Variants in ERI1 observed in about 807,000 individuals in gnomAD.
The protein encoded by ERI1 is 3'-5' exoribonuclease 1.
Under a neutral mutation model 39.7 loss-of-function variants are expected in ERI1, and 39 were observed. That is an observed-to-expected ratio of 0.98 (90% confidence interval 0.76 to 1.28). The LOEUF is 1.28. ERI1 is among the 50% of genes most tolerant of loss of function. The pLI, the probability that ERI1 is intolerant of heterozygous loss-of-function variation, is 0.00. For missense variants in ERI1, 581 were observed against 416.9 expected, an observed-to-expected ratio of 1.39 and a Z score of -3.43; for synonymous variants, 204 against 149.6, an observed-to-expected ratio of 1.36 and a Z score of -2.65.
Position 9,080,058 on chromosome 8 carries a change from G to C in ERI1, n.300-36290G>C, listed in dbSNP as rs117233114. Among the ~76,000 whole-genome samples the C allele has an allele frequency of 9.5e-3, 1,439 of 151,814 alleles. 10 individuals are homozygous for C. The highest frequency in any genetic ancestry group is 0.016 in the Non-Finnish European group (1,068 of 67,964). On this transcript the variant is annotated intron_variant and non_coding_transcript_variant, in intron 3 of 3. Transcript: ENST00000518663. ...GATACAAAGTTGTTTGTCAGGAGCTGGCTTACAGGAATAACACTGATTAGT... is the reference window on the plus strand; with the variant it reads ...GATACAAAGTTGTTTGTCAGGAGCTCGCTTACAGGAATAACACTGATTAGT...
At chr8:9,029,443 C>T (rs1797428149) in intron 6 of ERI1, among the ~76,000 whole-genome samples, 1 of 152,156 alleles carries the variant, frequency 6.6e-6, no homozygotes, top group Non-Finnish European at 1.5e-5. Flanking sequence ...GTTCTCCTGC[C>T]TCAGCCTCCC....
intron 6 of ERI1, among the ~76,000 whole-genome samples, chr8:9,025,171 G>T (rs1485960927): frequency 6.6e-6 from 1 of 152,112 alleles, no homozygotes; most frequent in Non-Finnish European, 1.5e-5. Flanking sequence ...ATCATATGCT[G>T]GTGTTGAAAG....
At chr8:9,068,396 G>A (rs1385635475) in intron 3 of ERI1, among the ~76,000 whole-genome samples, 2 of 152,154 alleles carry the variant, frequency 1.3e-5, no homozygotes, top group African/African-American at 4.8e-5. Flanking sequence ...CAGTGCAGTG[G>A]CAGCATCATA....
rs551021364 is a variant in ERI1 at position 9,011,768 on chromosome 8, T to A, written c.498+16T>A. The A allele has an allele frequency of 1.3e-6, 2 of 1,553,880 alleles. No homozygotes were observed. The highest frequency in any genetic ancestry group is 2.3e-5 in the South Asian group (2 of 87,868). On this transcript the variant is annotated intron_variant, in intron 3 of 6. Transcript: ENST00000250263. ...TTTAGAAATAGTAAGTGAATTTTTGTATTTTAATTGTATTTCTAGCAGCAA... is the reference window on the plus strand; with the variant it reads ...TTTAGAAATAGTAAGTGAATTTTTGAATTTTAATTGTATTTCTAGCAGCAA...
chr8:9,085,239 T>A (rs1184933551), intron 3 of ERI1, among the ~76,000 whole-genome samples: 2 of 152,162 alleles, frequency 1.3e-5, no homozygotes, highest in Admixed American at 6.6e-5. Flanking sequence ...GACTGAGTCT[T>A]GCTCTGTCAC....
chr8:9,016,845 C>T (rs961979600), intron 4 of ERI1, among the ~76,000 whole-genome samples: 1 of 151,646 alleles, frequency 6.6e-6, no homozygotes, highest in Non-Finnish European at 1.5e-5. Flanking sequence ...TGCCACCACA[C>T]CCGGCTAATT....
chr8:9,027,136 G>GATGT (rs1797222699), intron 6 of ERI1, among the ~76,000 whole-genome samples: 1 of 137,502 alleles, frequency 7.3e-6, no homozygotes, highest in Non-Finnish European at 1.5e-5. Flanking sequence ...GTTATTTTCT[G>GATGT]GTGTGTGTGT....
At chr8:9,084,355 T>C (rs537180997) in intron 3 of ERI1, among the ~76,000 whole-genome samples, 2 of 152,344 alleles carry the variant, frequency 1.3e-5, no homozygotes, top group East Asian at 3.9e-4. Context: ...CTGGACTTTA[T>C]TGCTTTGTAA....
chr8:9,047,841 A>T (rs1484935353), intron 3 of ERI1, among the ~76,000 whole-genome samples: 1 of 152,178 alleles, frequency 6.6e-6, no homozygotes, highest in African/African-American at 2.4e-5. Flanking sequence ...GCTAATACTA[A>T]TCGTTCACGC....
At chr8:9,071,943 G>A (rs112202661) in intron 3 of ERI1, among the ~76,000 whole-genome samples, 42 of 152,320 alleles carry the variant, frequency 2.8e-4, no homozygotes, top group Middle Eastern at 3.4e-3. Context: ...GTGCGTGCCT[G>A]TAGTCCCGCC....
At chr8:9,098,701 G>A (rs1799957077) in intron 3 of ERI1, among the ~76,000 whole-genome samples, 1 of 151,324 alleles carries the variant, frequency 6.6e-6, no homozygotes, top group African/African-American at 2.4e-5. Flanking sequence ...AATACCACCT[G>A]TTCCCCAAAA....
intron 6 of ERI1, among the ~76,000 whole-genome samples, chr8:9,022,996 T>A (rs1403814188): frequency 6.6e-6 from 1 of 152,226 alleles, no homozygotes; most frequent in African/African-American, 2.4e-5. Flanking sequence ...TTGTGACATC[T>A]TAAAAAATTA....
At chr8:9,042,561 G>T (rs182072713) in intron 3 of ERI1, among the ~76,000 whole-genome samples, 1 of 152,142 alleles carries the variant, frequency 6.6e-6, no homozygotes, top group Non-Finnish European at 1.5e-5. Context: ...AGGAGGTAGC[G>T]TCATTTGTCA....
At chr8:9,004,044 C>T (rs1289425198) in intron 1 of ERI1, 3 of 1,283,232 alleles carry the variant, frequency 2.3e-6, no homozygotes, top group East Asian at 5.6e-5. Context: ...GTAATTGCAT[C>T]TCACACAGTT....
At chr8:9,007,896 T>C in intron 1 of ERI1, 74 bp from the exon 2 acceptor site, 1 of 1,514,548 alleles carries the variant, frequency 6.6e-7, no homozygotes, top group Non-Finnish European at 8.8e-7. Flanking sequence ...AGTTTGAATC[T>C]TTAAATCTGT....
chr8:9,003,155 C>G lies in ERI1; in HGVS notation c.92C>G (p.Pro31Arg). Residue 31 changes from proline (P) to arginine (R), a missense_variant, in exon 1 of 7, where the codon CCG becomes CGG. Coordinates refer to ENST00000250263, the MANE Select transcript of ERI1 (RefSeq NM_153332.4). ...SPRPEGGEEP[P>R]RPSPEETQQC... ...CGGCCGGAGGGCGGGGAGGAGCCGC[C>G]GCGTCCCAGTCCCGAGGTGAGGAGT... 8.0e-7 allele frequency: 1 copy of G among 1,243,674 alleles called. No homozygotes were observed. The highest frequency in any genetic ancestry group is 3.1e-5 in the East Asian group (1 of 31,812). The allele number at this position is 1,243,674 out of a possible 1,614,324, so 77.0% of individuals were successfully genotyped here. A position where few individuals can be genotyped will look rare whatever the true frequency, so the allele number is the denominator to read the frequency against.
chr8:9,003,060 C>A lies in ERI1; in HGVS notation c.-4C>A, dbSNP rs1815537593. 8.0e-7 allele frequency: 1 copy of A among 1,246,318 alleles called. No homozygotes were observed. The highest frequency in any genetic ancestry group is 4.2e-5 in the Admixed American group (1 of 23,706). 77.2% of individuals were successfully genotyped at this position (1,246,318 alleles called of 1,614,324 possible). A position where few individuals can be genotyped will look rare whatever the true frequency, so the allele number is the denominator to read the frequency against. ...AGCAACTCTCCTCTGGCGTGACAGC[C>A]GGCATGGAGGATCCACAGAGTAAAG... On this transcript the variant is annotated 5_prime_UTR_variant, in exon 1 of 7. Coordinates refer to ENST00000250263, the MANE Select transcript of ERI1 (RefSeq NM_153332.4).
At position 9,011,528 on chromosome 8, in the gene ERI1, C is replaced by T. The variant is rs144089061; in HGVS notation, c.288-14C>T. 6.4e-7 allele frequency: 1 copy of T among 1,551,150 alleles called. No individual in the cohort carries two copies. The highest frequency in any genetic ancestry group is 8.8e-7 in the Non-Finnish European group (1 of 1,138,562). ...AATTTACCTAAGTGTAACTAGTCTT[C>T]TTCTTCTACTTAGAGGAGTAAAGGA... is the stretch of plus-strand genomic sequence containing the variant. On this transcript the variant is annotated splice_polypyrimidine_tract_variant and intron_variant, in intron 2 of 6. Transcript: ENST00000250263.
chr8:9,003,502 T>C (rs1815602225), intron 1 of ERI1, among the ~76,000 whole-genome samples: 1 of 152,228 alleles, frequency 6.6e-6, no homozygotes, highest in Non-Finnish European at 1.5e-5. Context: ...ATGGGTAGTT[T>C]GCAAGGCTTT....
Sources: gnomAD v4.1 joint callset for allele counts (sites outside exome capture counted in the v4.1 genomes callset) on GRCh38, gnomAD v4.1.1 for gene constraint, MANE v1.5 for transcripts, NCBI Gene and HGNC (gene_info 2026-07-23, HGNC 2026-07-21) for gene names.